The following SLC2A13 variants were observed in gnomAD, a reference collection of about 807,000 sequenced individuals.
The protein encoded by SLC2A13 is proton myo-inositol cotransporter.
SLC2A13 carries 32 observed loss-of-function variants against 64.4 expected under a neutral mutation model. The ratio of observed to expected loss-of-function variants is 0.50; its 90% CI spans 0.37 to 0.67. The LOEUF (loss-of-function observed/expected upper bound fraction) is 0.67, where lower values mean the gene tolerates loss of function less well. SLC2A13 is among the 30% of genes least tolerant of loss of function. The pLI is 0.00. For missense variants in SLC2A13, 743 were observed against 829.2 expected (o/e 0.90, Z 1.28); for synonymous variants, 338 against 327.1 (o/e 1.03, Z -0.36).
intron 1 of SLC2A13, among the ~76,000 whole-genome samples, chr12:40,056,949 C>G (rs186648000): frequency 1.3e-5 from 2 of 151,980 alleles, no homozygotes; most frequent in Non-Finnish European, 2.9e-5. Flanking sequence ...CATTGCACTG[C>G]AGCCTGGGTG....
At chr12:40,014,694 A>T (rs1947592229) in intron 3 of SLC2A13, among the ~76,000 whole-genome samples, 1 of 152,012 alleles carries the variant, frequency 6.6e-6, no homozygotes, top group Admixed American at 6.5e-5. Flanking sequence ...GGGTTTCTTT[A>T]TGTTGGTCAG....
intron 3 of SLC2A13, among the ~76,000 whole-genome samples, chr12:39,980,158 G>C (rs1946861204): frequency 6.6e-6 from 1 of 150,816 alleles, no homozygotes; most frequent in South Asian, 2.1e-4. Flanking sequence ...TGCCCTAAAA[G>C]AGCTCCTGAA....
intron 3 of SLC2A13, among the ~76,000 whole-genome samples, chr12:39,953,640 C>G (rs1006267031): frequency 1.3e-4 from 20 of 152,144 alleles, no homozygotes; most frequent in Admixed American, 5.2e-4. Flanking sequence ...ACAAACATTT[C>G]ACATTTAATT....
intron 4 of SLC2A13, among the ~76,000 whole-genome samples, chr12:39,927,924 A>G (rs1276714478): frequency 1.3e-5 from 2 of 152,224 alleles, no homozygotes; most frequent in African/African-American, 4.8e-5. Context: ...AAATAATTAA[A>G]TGAATTAACT....
At chr12:39,893,714 T>C (rs189842949) in intron 4 of SLC2A13, among the ~76,000 whole-genome samples, 2 of 152,366 alleles carry the variant, frequency 1.3e-5, no homozygotes, top group African/African-American at 4.8e-5. Context: ...GTGCTTTTTC[T>C]GGAGTGTGTG....
chr12:39,996,228 A>G (rs1349991264), intron 3 of SLC2A13, among the ~76,000 whole-genome samples: 1 of 152,188 alleles, frequency 6.6e-6, no homozygotes, highest in East Asian at 1.9e-4. Context: ...CCCCTGCCCT[A>G]GAGATTTGTG....
At chr12:40,060,088 G>T (rs1284377638) in intron 1 of SLC2A13, among the ~76,000 whole-genome samples, 1 of 151,454 alleles carries the variant, frequency 6.6e-6, no homozygotes, top group Non-Finnish European at 1.5e-5. Context: ...CGGATGGATG[G>T]ATGGATGCAT....
At chr12:39,970,425 T>C (rs28370718) in intron 3 of SLC2A13, among the ~76,000 whole-genome samples, 30 of 152,336 alleles carry the variant, frequency 2.0e-4, no homozygotes, top group African/African-American at 7.2e-4. Context: ...AAGTGGTCTC[T>C]TCGCATTTCA....
intron 3 of SLC2A13, among the ~76,000 whole-genome samples, chr12:40,014,470 C>T (rs187047580): frequency 6.6e-6 from 1 of 152,088 alleles, no homozygotes; most frequent in Non-Finnish European, 1.5e-5. Context: ...TTGGACTAGT[C>T]CAGATTATAA....
intron 3 of SLC2A13, among the ~76,000 whole-genome samples, chr12:39,972,858 G>T (rs533983777): frequency 3.9e-5 from 6 of 152,014 alleles, no homozygotes; most frequent in Admixed American, 3.3e-4. Context: ...ACCTGAGGTC[G>T]GGAGTTCGAG....
At chr12:40,095,787 AAATG>A (rs1331922033) in intron 1 of SLC2A13, among the ~76,000 whole-genome samples, 17 of 152,256 alleles carry the variant, frequency 1.1e-4, no homozygotes, top group African/African-American at 3.9e-4. Context: ...GAATGAAGAA[AAATG>A]AATGAAGCAT....
intron 3 of SLC2A13, among the ~76,000 whole-genome samples, chr12:39,976,083 T>C (rs1424230537): frequency 6.6e-6 from 1 of 152,232 alleles, no homozygotes; most frequent in Non-Finnish European, 1.5e-5. Context: ...GTTCATCTTT[T>C]TGTCTTCTAA....
At chr12:39,860,888 G>C (rs1291843170) in intron 6 of SLC2A13, among the ~76,000 whole-genome samples, 1 of 152,008 alleles carries the variant, frequency 6.6e-6, no homozygotes, top group Non-Finnish European at 1.5e-5. Flanking sequence ...CACCCACCCA[G>C]AGACAGTTTA....
chr12:39,953,926 G>C (rs1459599258), intron 3 of SLC2A13, among the ~76,000 whole-genome samples: 2 of 152,142 alleles, frequency 1.3e-5, no homozygotes, highest in African/African-American at 2.4e-5. Context: ...GTGGATGATA[G>C]GTTGTCTGTG....
chr12:40,094,666 A>G (rs1565625240), intron 1 of SLC2A13, among the ~76,000 whole-genome samples: 1 of 152,204 alleles, frequency 6.6e-6, no homozygotes, highest in Non-Finnish European at 1.5e-5. Context: ...AAAAAAGGGA[A>G]GAGAGGAACT....
intron 3 of SLC2A13, among the ~76,000 whole-genome samples, chr12:40,020,287 G>C (rs769614882): frequency 2.6e-5 from 4 of 152,178 alleles, no homozygotes; most frequent in Non-Finnish European, 5.9e-5. Flanking sequence ...CAGGTGTCAA[G>C]GAAGGGACCT....
chr12:39,944,371 G>C (rs1407059452), intron 4 of SLC2A13, among the ~76,000 whole-genome samples: 10 of 152,210 alleles, frequency 6.6e-5, no homozygotes, highest in Admixed American at 5.2e-4. Context: ...TTTGTTCCAA[G>C]GTATAGTTTA....
intron 4 of SLC2A13, 163 bp downstream of exon 4, chr12:39,951,094 G>T: frequency 1.9e-6 from 1 of 519,626 alleles, no homozygotes; most frequent in Non-Finnish European, 3.3e-6. Flanking sequence ...ACAAATTACT[G>T]GAATTAAAAA....
intron 4 of SLC2A13, among the ~76,000 whole-genome samples, chr12:39,925,032 T>TTA (rs1287834237): frequency 1.8e-4 from 5 of 27,460 alleles, no homozygotes; most frequent in Non-Finnish European, 2.9e-4. Context: ...TACAGATAAT[T>TTA]TTTTTTTTTT....
Sources: gnomAD v4.1 joint callset for allele counts (sites outside exome capture counted in the v4.1 genomes callset) on GRCh38, gnomAD v4.1.1 for gene constraint, MANE v1.5 for transcripts, NCBI Gene and HGNC (gene_info 2026-07-23, HGNC 2026-07-21) for gene names.